NBAS: variants seen among roughly 807,000 people sequenced by gnomAD.
The protein encoded by NBAS is NBAS subunit of NRZ tethering complex.
In NBAS, 219 loss-of-function variants were observed where a neutral mutation model predicts 302.5. That is an observed-to-expected ratio of 0.72 (90% confidence interval 0.65 to 0.81). The LOEUF is 0.81. Among genes scored for constraint, NBAS ranks in the 30% least tolerant of loss-of-function variants. The pLI is 0.00. For missense variants in NBAS, 2,932 were observed against 2,841.6 expected (o/e 1.03, Z -0.72); for synonymous variants, 1,118 against 1,021.6 (o/e 1.09, Z -1.80).
At chr2:14,957,435 G>A in the NBAS span, among the ~76,000 whole-genome samples, 41 of 152,068 alleles carry the variant, frequency 2.7e-4, 1 homozygote, top group African/African-American at 7.5e-4. Context: ...TTTCCCAAGC[G>A]CATTTTATCA....
At chr2:15,021,413 G>A in the NBAS span, among the ~76,000 whole-genome samples, 137 of 152,236 alleles carry the variant, frequency 9.0e-4, no homozygotes, top group African/African-American at 3.2e-3. Flanking sequence ...TCCAGAACCC[G>A]CCACTGAGGA....
At chr2:14,805,634 G>A in the NBAS span, among the ~76,000 whole-genome samples, 2 of 152,170 alleles carry the variant, frequency 1.3e-5, no homozygotes, top group Admixed American at 6.5e-5. Flanking sequence ...ATAAACAAGT[G>A]AGATAATAGT....
intron 17 of NBAS, 139 bp downstream of exon 17, chr2:15,468,243 G>A (rs1003448802): frequency 1.4e-5 from 14 of 971,768 alleles, no homozygotes; most frequent in Non-Finnish European, 2.2e-5. Flanking sequence ...ATGACTTCAG[G>A]TAAGACAGTA....
chr2:15,379,243 C>G (rs1206918628), intron 30 of NBAS, among the ~76,000 whole-genome samples: 1 of 150,410 alleles, frequency 6.6e-6, no homozygotes, highest in East Asian at 1.9e-4. Context: ...GGTCCCTTGT[C>G]TCTAAACAAA....
chr2:15,287,168 G>A lies in NBAS; in HGVS notation c.5043C>T (p.Ser1681=), dbSNP rs775578103. Reference sequence around the variant, plus strand: ...CCAGAGAAATAGCAATGCTGTAGACGCTTTCCTCTAGAGTTCTGCAGAAAT... The same window carrying A: ...CCAGAGAAATAGCAATGCTGTAGACACTTTCCTCTAGAGTTCTGCAGAAAT... ...ILGLAETLEE[S]VYSIAISLAQ... is the part of the protein sequence containing the mutation. Residue 1681 remains serine, a synonymous_variant, in exon 42 of 52, where the codon AGC becomes AGT. Transcript: ENST00000281513. The A allele has an allele frequency of 5.0e-6, 8 of 1,613,746 alleles. No individual in the cohort carries two copies. The highest frequency in any genetic ancestry group is 1.1e-5 in the South Asian group (1 of 91,074).
At chr2:15,002,465 G>T in the NBAS span, among the ~76,000 whole-genome samples, 1 of 152,170 alleles carries the variant, frequency 6.6e-6, no homozygotes, top group Non-Finnish European at 1.5e-5. Context: ...GAGCCCAGCT[G>T]GCTTCACCCA....
chr2:15,286,929 A>G (rs1463369182), intron 42 of NBAS, 144 bp downstream of exon 42: 4 of 661,824 alleles, frequency 6.0e-6, no homozygotes, highest in East Asian at 2.7e-5. Context: ...TCAAAGATGT[A>G]TAAGGAAAGA....
chr2:15,466,155 T>C (rs1416337754), intron 19 of NBAS, among the ~76,000 whole-genome samples: 1 of 152,154 alleles, frequency 6.6e-6, no homozygotes, highest in African/African-American at 2.4e-5. Context: ...TAAAAACATT[T>C]CAATTATATT....
the NBAS span, among the ~76,000 whole-genome samples, chr2:14,788,845 C>T: frequency 6.6e-6 from 1 of 152,210 alleles, no homozygotes; most frequent in South Asian, 2.1e-4. Flanking sequence ...CTGGGAGAAC[C>T]ACTGCTCTCT....
At chr2:14,895,476 C>G in the NBAS span, among the ~76,000 whole-genome samples, 1 of 152,090 alleles carries the variant, frequency 6.6e-6, no homozygotes, top group African/African-American at 2.4e-5. Flanking sequence ...CTGTGGCTCA[C>G]GCCTGTAATC....
At chr2:15,384,928 T>C (rs892829611) in intron 28 of NBAS, among the ~76,000 whole-genome samples, 1 of 152,240 alleles carries the variant, frequency 6.6e-6, no homozygotes, top group African/African-American at 2.4e-5. Context: ...GGCAGATAGA[T>C]TGTATGTGTT....
chr2:15,108,152 A>G, the NBAS span, among the ~76,000 whole-genome samples: 1 of 152,162 alleles, frequency 6.6e-6, no homozygotes, highest in Non-Finnish European at 1.5e-5. Flanking sequence ...CAACATTTGC[A>G]TATAAGCTTT....
the NBAS span, among the ~76,000 whole-genome samples, chr2:15,110,619 CCT>C: frequency 6.6e-6 from 1 of 152,128 alleles, no homozygotes; most frequent in Non-Finnish European, 1.5e-5. Flanking sequence ...TCAGACCCTT[CCT>C]CTGTCAGAGG....
chr2:15,238,317 A>G (rs1045571776), intron 45 of NBAS, 151 bp downstream of exon 45: 2 of 729,454 alleles, frequency 2.7e-6, no homozygotes, highest in Non-Finnish European at 4.5e-6. Context: ...TCAAGTGATC[A>G]TGAAGAGGTT....
At chr2:15,168,370 T>C (rs901704279) in intron 51 of NBAS, among the ~76,000 whole-genome samples, 2 of 152,240 alleles carry the variant, frequency 1.3e-5, no homozygotes, top group African/African-American at 4.8e-5. Flanking sequence ...TCTACTTGTC[T>C]ACTGACTGTG....
intron 7 of NBAS, among the ~76,000 whole-genome samples, chr2:15,537,004 TACTC>T (rs1437242673): frequency 6.6e-6 from 1 of 152,192 alleles, no homozygotes; most frequent in Non-Finnish European, 1.5e-5. Context: ...ACACATGAAA[TACTC>T]ACTCAGTGTT....
intron 12 of NBAS, among the ~76,000 whole-genome samples, chr2:15,479,194 G>A (rs755563328): frequency 6.6e-6 from 1 of 152,182 alleles, no homozygotes; most frequent in East Asian, 1.9e-4. Flanking sequence ...GAGAACAGAA[G>A]ACACGGTCTT....
intron 9 of NBAS, among the ~76,000 whole-genome samples, chr2:15,525,656 AG>A (rs1558412037): frequency 6.6e-6 from 1 of 152,198 alleles, no homozygotes; most frequent in Non-Finnish European, 1.5e-5. Context: ...CCAAGAAAGT[AG>A]GCATGTTCTC....
the NBAS span, among the ~76,000 whole-genome samples, chr2:14,803,940 G>A: frequency 1.1e-4 from 16 of 152,252 alleles, no homozygotes; most frequent in Admixed American, 6.5e-4. Flanking sequence ...GTGAGCCACC[G>A]TGCCCAGCCT....
Sources: allele counts gnomAD v4.1 joint callset (sites outside exome capture counted in the v4.1 genomes callset), GRCh38; gene constraint gnomAD v4.1.1; transcripts MANE v1.5; gene names NCBI Gene and HGNC (gene_info 2026-07-23, HGNC 2026-07-21).